PPP1R12C: variants seen among roughly 807,000 people sequenced by gnomAD.
PPP1R12C encodes the protein protein phosphatase 1 regulatory subunit 12C.
PPP1R12C carries 48 observed loss-of-function variants against 95.6 expected under a neutral mutation model. The observed-to-expected ratio is 0.50, with a 90% confidence interval of 0.40 to 0.64. The LOEUF (loss-of-function observed/expected upper bound fraction) is 0.64. Ranked by LOEUF, PPP1R12C falls within the 30% of genes least tolerant of loss-of-function variation. The probability of loss-of-function intolerance (pLI) is 0.00; values close to 1 mark genes in which losing one functional copy is unlikely to be tolerated. For synonymous variants in PPP1R12C, 480 were observed against 460.8 expected, an observed-to-expected ratio of 1.04 and a Z score of -0.53; for missense variants, 1,057 against 1,083.3, an observed-to-expected ratio of 0.98 and a Z score of 0.34.
At chr19:55,099,227 C>T (rs893376757) in intron 4 of PPP1R12C, 132 bp from the exon 5 acceptor site, 65 of 1,082,560 alleles carry the variant, frequency 6.0e-5, no homozygotes, top group Middle Eastern at 6.2e-4. Flanking sequence ...TGGTAAAGAG[C>T]CACTGCCCAG....
chr19:55,091,685 C>T lies in PPP1R12C; in HGVS notation c.2227G>A (p.Glu743Lys), dbSNP rs2147174471. ...TCCTCCAGCTCTGCGGCCTTGCGTT[C>T]CAGGGCCCTGCGCTCCTGGAATGAA... is the stretch of plus-strand genomic sequence containing the variant. ...ELERFERRAL[E>K]RKAAELEEEL... Residue 743 changes from glutamate (E) to lysine (K), a missense_variant, in exon 21 of 22, where the codon GAA becomes AAA. By Grantham distance (56) the Glu-to-Lys change is moderately conservative. This residue lies in a region of PPP1R12C where 347 missense variants were observed against 307.9 expected (regional missense o/e 1.13). Coordinates refer to ENST00000263433, the MANE Select transcript of PPP1R12C (RefSeq NM_017607.4). 6.2e-7 allele frequency: 1 copy of T among 1,605,712 alleles called. No individual in the cohort carries two copies. The highest frequency in any genetic ancestry group is 8.5e-7 in the Non-Finnish European group (1 of 1,175,780).
chr19:55,113,786 G>A (rs1325114725), intron 1 of PPP1R12C: 5 of 292,386 alleles, frequency 1.7e-5, no homozygotes, highest in Non-Finnish European at 2.5e-5. Flanking sequence ...GGATGAACTC[G>A]GCTCGTTTAT....
At chr19:55,095,240 G>C (rs1321165207) in intron 11 of PPP1R12C, 51 bp downstream of exon 11, 1 of 1,513,198 alleles carries the variant, frequency 6.6e-7, no homozygotes, top group Non-Finnish European at 9.0e-7. Flanking sequence ...GACAGGCTTG[G>C]AACCCACATC....
chr19:55,106,687 C>A (rs2085042081), intron 3 of PPP1R12C, among the ~76,000 whole-genome samples: 1 of 152,242 alleles, frequency 6.6e-6, no homozygotes, highest in Non-Finnish European at 1.5e-5. Flanking sequence ...CGTGTCCCTG[C>A]AGCACAGCTG....
At chr19:55,104,199 T>TATATATAAACACAC (rs34075382) in intron 3 of PPP1R12C, among the ~76,000 whole-genome samples, 1 of 120,054 alleles carries the variant, frequency 8.3e-6, no homozygotes, top group African/African-American at 3.7e-5. Context: ...TATATATATA[T>TATATATAAACACAC]ACACACACAC....
In PPP1R12C at chr19:55,091,894, C is replaced by A. The variant is rs773125943; in HGVS notation, c.2176G>T (p.Ala726Ser). 30 of 1,613,162 alleles carry A rather than the reference C, an allele frequency of 1.9e-5. No homozygotes were observed. The East Asian group carries it at 4.7e-4, about 25-fold the overall frequency. Residue 726 changes from alanine (A) to serine (S), a missense_variant, in exon 20 of 22, where the codon GCT (alanine) becomes TCT (serine). Coordinates refer to ENST00000263433, the MANE Select transcript of PPP1R12C (RefSeq NM_017607.4). ...ERATQRQERFAERPALLELER... is the reference protein window; with the variant it reads ...ERATQRQERFSERPALLELER... The stretch of plus-strand genomic sequence containing the variant: ...AGTTCCAGGAGGGCTGGCCTCTCAG[C>A]GAAGCGTTCTTGCCTCTGGTGAGGA...
chr19:55,095,173 G>A, intron 11 of PPP1R12C, 118 bp downstream of exon 11: 2 of 1,155,542 alleles, frequency 1.7e-6, no homozygotes, highest in South Asian at 1.3e-5. Flanking sequence ...CACAGGCTCT[G>A]GAGTGGCGGC....
At chr19:55,102,569 C>T (rs1444974060) in intron 4 of PPP1R12C, among the ~76,000 whole-genome samples, 1 of 152,140 alleles carries the variant, frequency 6.6e-6, no homozygotes, top group Non-Finnish European at 1.5e-5. Context: ...AAAATATATA[C>T]AAATTGTAAC....
Position 55,109,025 on chromosome 19 carries a change from T to A in PPP1R12C, c.571+3442A>T, listed in dbSNP as rs1330509976. Among the ~76,000 whole-genome samples, 25 of 152,198 alleles carry A rather than the reference T, an allele frequency of 1.6e-4. No individual in the cohort carries two copies. Among genetic ancestry groups the A allele is most frequent in the Admixed American group, 1.6e-3 (25 of 15,288 alleles). ...CGCATGGATGGGCCACATGTTGATT[T>A]TCCATTCATTCGATGATGGGCACTA... On this transcript the variant is annotated intron_variant, in intron 3 of 21. Transcript: ENST00000263433. This position sits in a 1 kb window ranked among gnomAD's most constrained non-coding sequence, Gnocchi z 4.4.
At position 55,112,670 on chromosome 19, in the gene PPP1R12C, G is replaced by C; in HGVS notation, c.447C>G (p.Ile149Met). 2 of 1,613,778 alleles carry C rather than the reference G, an allele frequency of 1.2e-6. No homozygotes were observed. Among genetic ancestry groups the C allele is most frequent in the South Asian group, 1.1e-5 (1 of 91,076 alleles). Reference protein sequence around the residue: ...HVAASCGYLDIARYLLSHGAN... With the variant: ...HVAASCGYLDMARYLLSHGAN... ...CCGGCCCTCCCTTGCCTCACCTGGC[G>C]ATATCTAGGTAGCCACAGGAGGCGG... The change falls in exon 2 of 22, where the codon ATC (isoleucine) becomes ATG (methionine). Residue 149 changes from isoleucine (I) to methionine (M), a missense_variant. Ile to Met is a conservative substitution (Grantham distance 10, BLOSUM62 1). This residue lies in a region of PPP1R12C where 282 missense variants were observed against 380.4 expected (regional missense o/e 0.74). Coordinates refer to ENST00000263433, the MANE Select transcript of PPP1R12C (RefSeq NM_017607.4).
In PPP1R12C at chr19:55,092,645, C is replaced by T; in HGVS notation, c.1929G>A (p.Pro643=). 1.3e-6 allele frequency: 2 copies of T among 1,533,400 alleles called. No homozygotes were observed. The highest frequency in any genetic ancestry group is 1.7e-6 in the Non-Finnish European group (2 of 1,142,960). 95.0% of individuals were successfully genotyped at this position (1,533,400 alleles called of 1,614,324 possible). A position where few individuals can be genotyped will look rare whatever the true frequency, so the allele number is the denominator to read the frequency against. Residue 643 remains proline (P), a synonymous_variant, in exon 17 of 22, where the codon CCG becomes CCA. Coordinates refer to ENST00000263433, the MANE Select transcript of PPP1R12C (RefSeq NM_017607.4). ...RGPAEGEEAE[P]ADRSQESSTL... ...ACCTGGACTCCTGGCTGCGGTCAGCCGGCTCCGCCTCCTCCCCCTGTGGGC... is the reference window on the plus strand; with the variant it reads ...ACCTGGACTCCTGGCTGCGGTCAGCTGGCTCCGCCTCCTCCCCCTGTGGGC...
chr19:55,092,297 C>T lies in PPP1R12C; in HGVS notation c.2085G>A (p.Glu695=), dbSNP rs758268194. Residue 695 remains glutamate, a synonymous_variant, in exon 19 of 22, where the codon GAG becomes GAA. Coordinates refer to ENST00000263433, the MANE Select transcript of PPP1R12C (RefSeq NM_017607.4). ...TLYAELRREN[E]RLREALTETT... is the part of the protein sequence containing the mutation. Reference sequence around the variant, plus strand: ...TCTCGGTCAGGGCCTCGCGAAGCCGCTCGTTCTCCCTGCGCAGCTCTGCAT... The same window carrying T: ...TCTCGGTCAGGGCCTCGCGAAGCCGTTCGTTCTCCCTGCGCAGCTCTGCAT... 6.2e-7 allele frequency: 1 copy of T among 1,600,830 alleles called. No individual in the cohort carries two copies. The highest frequency in any genetic ancestry group is 1.1e-5 in the South Asian group (1 of 88,928).
Position 55,091,562 on chromosome 19 carries a change from G to C in PPP1R12C, c.2263-4C>G. On this transcript the variant is annotated splice_polypyrimidine_tract_variant and splice_region_variant and intron_variant, in intron 21 of 21. Transcript: ENST00000263433. ...CAGCGCGGAGGTCAGACAGGGCCTG[G>C]GGGACGGCAAGGGTCAGCTGGGCAG... 6.2e-7 allele frequency: 1 copy of C among 1,613,448 alleles called. No individual in the cohort carries two copies. The highest frequency in any genetic ancestry group is 1.1e-5 in the South Asian group (1 of 91,080).
chr19:55,113,053 G>T, intron 1 of PPP1R12C: 1 of 575,706 alleles, frequency 1.7e-6, no homozygotes, highest in East Asian at 2.8e-5. Context: ...GAACGGGGAA[G>T]GGAGGGGGCT....
Position 55,109,578 on chromosome 19 carries a change from C to A in PPP1R12C, c.571+2889G>T, listed in dbSNP as rs2085073567. On this transcript the variant is annotated intron_variant, in intron 3 of 21. Coordinates refer to ENST00000263433, the MANE Select transcript of PPP1R12C (RefSeq NM_017607.4). The surrounding 1 kb of genome is among the most constrained non-coding windows in gnomAD (Gnocchi z 4.4). ...CACGTGCTCTCACTGAACCCCAGAC[C>A]CAGAGAGAGGAAAACAGCAAGTAAG... Among the ~76,000 whole-genome samples, 1 of 152,240 alleles carries A rather than the reference C, an allele frequency of 6.6e-6. No homozygotes were observed. The highest frequency in any genetic ancestry group is 6.5e-5 in the Admixed American group (1 of 15,290).
intron 1 of PPP1R12C, chr19:55,113,766 C>CCTGGGAA (rs1166316777): frequency 1.1e-5 from 4 of 352,406 alleles, no homozygotes; most frequent in African/African-American, 8.4e-5. Flanking sequence ...CCGCACGTGC[C>CCTGGGAA]CTGGGAACGG....
chr19:55,091,558 C>G lies in PPP1R12C; in HGVS notation c.2263G>C (p.Ala755Pro). Residue 755 changes from alanine to proline, a missense_variant and splice_region_variant, in exon 22 of 22, where the codon GCC (alanine) becomes CCC (proline). By Grantham distance (27) the Ala-to-Pro change is conservative (BLOSUM62 -1). This residue lies in a region of PPP1R12C where 347 missense variants were observed against 307.9 expected (regional missense o/e 1.13). Transcript: ENST00000263433. ...TTGTCAGCGCGGAGGTCAGACAGGG[C>G]CTGGGGGACGGCAAGGGTCAGCTGG... The part of the protein sequence containing the change: ...KAAELEEELK[A>P]LSDLRADNQR... The G allele has an allele frequency of 6.2e-7, 1 of 1,613,546 alleles. No individual in the cohort carries two copies. The highest frequency in any genetic ancestry group is 8.5e-7 in the Non-Finnish European group (1 of 1,179,926).
chr19:55,110,602 C>T (rs551845928), intron 3 of PPP1R12C, among the ~76,000 whole-genome samples: 2 of 152,272 alleles, frequency 1.3e-5, no homozygotes, highest in Admixed American at 6.5e-5. Context: ...TCAGAATGGC[C>T]GGGCTCACGC....
intron 4 of PPP1R12C, among the ~76,000 whole-genome samples, chr19:55,101,080 T>C (rs570152229): frequency 6.6e-6 from 1 of 152,082 alleles, no homozygotes; most frequent in African/African-American, 2.4e-5. Context: ...AAAACCTGTC[T>C]CTACTACAAA....
Sources: gnomAD v4.1 joint callset for allele counts (sites outside exome capture counted in the v4.1 genomes callset) on GRCh38, gnomAD v4.1.1 for gene constraint, gnomAD v4.1.1 regional missense constraint, Gnocchi (gnomAD v3.1) non-coding constraint, MANE v1.5 for transcripts, NCBI Gene and HGNC (gene_info 2026-07-23, HGNC 2026-07-21) for gene names.